Variants in FAM168A observed in about 807,000 individuals in gnomAD.
FAM168A encodes the protein family with sequence similarity 168 member A.
A neutral mutation model predicts 28.5 loss-of-function variants in FAM168A; 3 were observed. The observed-to-expected ratio is 0.11, with a 90% CI of 0.05 to 0.27. The LOEUF (loss-of-function observed/expected upper bound fraction) is 0.27, where lower values mean the gene tolerates loss of function less well. Ranked by LOEUF, FAM168A falls within the 10% of genes least tolerant of loss-of-function variation. The pLI is 1.00. For missense variants in FAM168A, 222 were observed against 311.5 expected (o/e 0.71, Z 2.16); for synonymous variants, 122 against 124.2 (o/e 0.98, Z 0.12).
At chr11:73,472,708 T>G (rs1867832210) in intron 1 of FAM168A, among the ~76,000 whole-genome samples, 1 of 152,202 alleles carries the variant, frequency 6.6e-6, no homozygotes, top group Non-Finnish European at 1.5e-5. Flanking sequence ...AAACTAGTCA[T>G]GTTTTTTATA....
chr11:73,440,385 C>T (rs1867171958), intron 2 of FAM168A, among the ~76,000 whole-genome samples: 1 of 152,212 alleles, frequency 6.6e-6, no homozygotes, highest in Non-Finnish European at 1.5e-5. Context: ...GTGGCTCACT[C>T]CTGAAATCCC....
chr11:73,457,286 G>A (rs373346161), intron 2 of FAM168A, among the ~76,000 whole-genome samples: 1 of 151,474 alleles, frequency 6.6e-6, no homozygotes, highest in Non-Finnish European at 1.5e-5. Context: ...TTACTTGGGA[G>A]GCTGAGACTG....
chr11:73,567,999 C>T (rs1053291377), intron 1 of FAM168A, among the ~76,000 whole-genome samples: 1 of 152,122 alleles, frequency 6.6e-6, no homozygotes, highest in South Asian at 2.1e-4. Context: ...AGCAGCTACC[C>T]TGTACTCTAA....
chr11:73,513,934 A>G (rs570201575), intron 1 of FAM168A, among the ~76,000 whole-genome samples: 15 of 152,266 alleles, frequency 9.9e-5, no homozygotes, highest in African/African-American at 3.4e-4. Flanking sequence ...CTATAATCCT[A>G]GCACTTAGGG....
intron 2 of FAM168A, among the ~76,000 whole-genome samples, chr11:73,455,029 G>A (rs996741236): frequency 2.0e-5 from 3 of 152,218 alleles, no homozygotes; most frequent in African/African-American, 7.2e-5. Context: ...CACACAAAAA[G>A]GCAAAGAGCC....
chr11:73,544,936 TTATG>T (rs1943716006), intron 1 of FAM168A, among the ~76,000 whole-genome samples: 1 of 87,374 alleles, frequency 1.1e-5, no homozygotes, highest in Non-Finnish European at 2.0e-5. Flanking sequence ...ATAAAATATA[TTATG>T]TAATATATAA....
intron 1 of FAM168A, among the ~76,000 whole-genome samples, chr11:73,565,389 T>A (rs1416670317): frequency 3.3e-5 from 5 of 152,192 alleles, no homozygotes; most frequent in Non-Finnish European, 7.3e-5. Context: ...ACTATACTGA[T>A]ATTTCCACAC....
chr11:73,508,486 A>G (rs961981049), intron 1 of FAM168A, among the ~76,000 whole-genome samples: 5 of 152,156 alleles, frequency 3.3e-5, no homozygotes, highest in African/African-American at 1.2e-4. Context: ...GGGCTTTTCC[A>G]CCAAGTCGGA....
rs189580819 is a variant in FAM168A at position 73,493,742 on chromosome 11, A to T, written c.-18-25250T>A. On this transcript the variant is annotated intron_variant, in intron 1 of 7. Coordinates refer to ENST00000356467, the MANE Select transcript of FAM168A (RefSeq NM_015159.3). ...TTGTTTTATTTTTATTTAAGGAGGA[A>T]CATAACTTATCCTGAAAACTGTCCC... 3.9e-4 allele frequency among the ~76,000 whole-genome samples: 60 copies of T among 152,282 alleles called. 1 individual carries two copies. The highest frequency in any genetic ancestry group is 2.6e-3 in the Admixed American group (40 of 15,286).
chr11:73,424,910 A>T, intron 3 of FAM168A: 1 of 845,636 alleles, frequency 1.2e-6, no homozygotes, highest in Non-Finnish European at 1.8e-6. Context: ...ACCTGGGGGG[A>T]GCCCAAGCCT....
intron 1 of FAM168A, among the ~76,000 whole-genome samples, chr11:73,492,694 T>C (rs758598839): frequency 1.3e-5 from 2 of 151,830 alleles, no homozygotes; most frequent in Non-Finnish European, 3.0e-5. Context: ...GGATTATTCA[T>C]TATGTAAATC....
chr11:73,485,956 A>C (rs1390969883), intron 1 of FAM168A, among the ~76,000 whole-genome samples: 1 of 152,216 alleles, frequency 6.6e-6, no homozygotes, highest in African/African-American at 2.4e-5. Flanking sequence ...ATTTATAAAT[A>C]GGGAAGTTCT....
intron 1 of FAM168A, among the ~76,000 whole-genome samples, chr11:73,473,830 T>C (rs1028704932): frequency 2.0e-5 from 3 of 152,082 alleles, no homozygotes; most frequent in Admixed American, 6.5e-5. Context: ...TTTTTTTTTT[T>C]TGAGATGGAG....
intron 4 of FAM168A, among the ~76,000 whole-genome samples, chr11:73,417,332 T>A (rs1866710830): frequency 6.6e-6 from 1 of 152,184 alleles, no homozygotes; most frequent in Admixed American, 6.5e-5. Flanking sequence ...TGGACATCAA[T>A]TATCCAAGGT....
At chr11:73,462,131 T>C (rs541422396) in intron 2 of FAM168A, among the ~76,000 whole-genome samples, 52 of 152,304 alleles carry the variant, frequency 3.4e-4, no homozygotes, top group African/African-American at 1.1e-3. Context: ...CCCAAAAGAA[T>C]TGAAAGCAAG....
chr11:73,475,460 A>C (rs894165982), intron 1 of FAM168A, among the ~76,000 whole-genome samples: 2 of 152,136 alleles, frequency 1.3e-5, no homozygotes, highest in Non-Finnish European at 2.9e-5. Context: ...TCTGGGATAG[A>C]TACTGTTGGG....
chr11:73,524,774 T>TTTTTAGTGAAGA (rs1266407160), intron 1 of FAM168A, among the ~76,000 whole-genome samples: 2 of 152,086 alleles, frequency 1.3e-5, no homozygotes, highest in Non-Finnish European at 2.9e-5. Context: ...ATTTTTTGTA[T>TTTTTAGTGAAGA]TTTTAGTGAA....
intron 1 of FAM168A, among the ~76,000 whole-genome samples, chr11:73,507,392 A>G (rs1267944123): frequency 6.6e-6 from 1 of 152,190 alleles, no homozygotes; most frequent in Non-Finnish European, 1.5e-5. Context: ...AACAAAACCC[A>G]TCTGGGACAA....
At chr11:73,520,908 TA>T (rs397942828) in intron 1 of FAM168A, among the ~76,000 whole-genome samples, 48 of 142,202 alleles carry the variant, frequency 3.4e-4, no homozygotes, top group Non-Finnish European at 2.3e-4. Context: ...AATAAGCAGC[TA>T]AAAAAAAAAA....
Sources: gnomAD v4.1 joint callset for allele counts (sites outside exome capture counted in the v4.1 genomes callset) on GRCh38, gnomAD v4.1.1 for gene constraint, MANE v1.5 for transcripts, NCBI Gene and HGNC (gene_info 2026-07-23, HGNC 2026-07-21) for gene names.